The following SAMD12 variants were observed in gnomAD, a reference collection of about 807,000 sequenced individuals.
SAMD12 encodes sterile alpha motif domain containing 12, also known as sterile alpha motif domain-containing protein 12.
SAMD12 carries 9 observed loss-of-function variants against 15.0 expected under a neutral mutation model. That is an observed-to-expected ratio of 0.60 (90% CI 0.36 to 1.05). The LOEUF is 1.05. SAMD12 is among the 50% of genes least tolerant of loss of function. The pLI, the probability that SAMD12 is intolerant of heterozygous loss-of-function variation, is 0.01. For missense variants in SAMD12, 230 were observed against 234.2 expected (o/e 0.98, Z 0.12); for synonymous variants, 86 against 90.1 (o/e 0.96, Z 0.25).
chr8:118,378,716 G>C lies in SAMD12; in HGVS notation c.*701C>G. The C allele has an allele frequency of 1.0e-6, 1 of 984,974 alleles. No homozygotes were observed. Among genetic ancestry groups the C allele is most frequent in the Non-Finnish European group, 1.2e-6 (1 of 829,602 alleles). The allele number at this position is 984,974 out of a possible 1,614,324, so 61.0% of individuals were successfully genotyped here. On this transcript the variant is annotated 3_prime_UTR_variant, in exon 4 of 4. Coordinates refer to ENST00000314727, the MANE Select transcript of SAMD12 (RefSeq NM_207506.3). Reference sequence around the variant, plus strand: ...CTTTCATTTAAAACGATGTACAATGGACGCTAAAATAAAACAAATAAAGTT... The same window carrying C: ...CTTTCATTTAAAACGATGTACAATGCACGCTAAAATAAAACAAATAAAGTT...
intron 4 of SAMD12, among the ~76,000 whole-genome samples, chr8:118,219,251 T>C (rs1011083024): frequency 6.6e-6 from 1 of 152,238 alleles, no homozygotes; most frequent in African/African-American, 2.4e-5. Context: ...TTGCCTTCTG[T>C]TCACATCTAG....
In SAMD12 at chr8:118,323,492, T is replaced by C. The variant is rs548817386; in HGVS notation, c.433+56068A>G. ...TTAAAAAAATCTACACCGAACGTGG[T>C]GGCTGATTCCTGTAATCCCAGCACT... On this transcript the variant is annotated intron_variant, in intron 4 of 4. Transcript: ENST00000409003. Among the ~76,000 whole-genome samples the C allele has an allele frequency of 8.1e-4, 124 of 152,292 alleles. 1 individual carries two copies. Among genetic ancestry groups the C allele is most frequent in the South Asian group, 1.9e-3 (9 of 4,816 alleles).
chr8:118,607,540 G>A (rs1386391096), intron 1 of SAMD12, among the ~76,000 whole-genome samples: 1 of 152,092 alleles, frequency 6.6e-6, no homozygotes, highest in Admixed American at 6.5e-5. Context: ...CCCGCCAAAT[G>A]TCCTAATTAG....
At chr8:118,293,142 C>T (rs1309568760) in intron 4 of SAMD12, among the ~76,000 whole-genome samples, 1 of 151,850 alleles carries the variant, frequency 6.6e-6, no homozygotes, top group Non-Finnish European at 1.5e-5. Flanking sequence ...AGCTCAGAAA[C>T]ATTAAGCAAC....
rs368957115 is a variant in SAMD12 at position 118,365,317 on chromosome 8, A to G, written c.433+14243T>C. Among the ~76,000 whole-genome samples, 6 of 152,132 alleles carry G rather than the reference A, an allele frequency of 3.9e-5. No individual in the cohort carries two copies. The East Asian group carries it at 9.7e-4, about 24-fold the overall frequency. On this transcript the variant is annotated intron_variant, in intron 4 of 4. Transcript: ENST00000409003. Reference sequence around the variant, plus strand: ...ATGCCCAGATAGTTGGTGGAACATTATTTCTAGGTGTACCTGTGTGGGTAT... The same window carrying G: ...ATGCCCAGATAGTTGGTGGAACATTGTTTCTAGGTGTACCTGTGTGGGTAT...
intron 2 of SAMD12, among the ~76,000 whole-genome samples, chr8:118,496,927 CTT>C (rs1824632619): frequency 6.6e-6 from 1 of 151,660 alleles, no homozygotes; most frequent in African/African-American, 2.4e-5. Context: ...TGAACACACA[CTT>C]CTCAAAAGAA....
intron 4 of SAMD12, among the ~76,000 whole-genome samples, chr8:118,220,826 A>G (rs1367154571): frequency 6.6e-6 from 1 of 152,224 alleles, no homozygotes; most frequent in Non-Finnish European, 1.5e-5. Flanking sequence ...CACATTTTCC[A>G]TATTTTGATA....
intron 4 of SAMD12, among the ~76,000 whole-genome samples, chr8:118,356,599 G>A (rs1327598028): frequency 3.3e-5 from 5 of 152,116 alleles, no homozygotes; most frequent in African/African-American, 1.2e-4. Context: ...TCTAGTGATC[G>A]AGTGACCGCA....
At chr8:118,619,400 A>C (rs1403297096) in intron 1 of SAMD12, among the ~76,000 whole-genome samples, 1 of 149,280 alleles carries the variant, frequency 6.7e-6, no homozygotes, top group Non-Finnish European at 1.5e-5. Context: ...AATGGCGTGA[A>C]CCTGGGAGGC....
rs1643821572 is a variant in SAMD12, at chr8:118,511,885, T to A, written c.192+68830A>T. On this transcript the variant is annotated intron_variant, in intron 2 of 3. Coordinates refer to ENST00000314727, the MANE Select transcript of SAMD12 (RefSeq NM_207506.3). ...TGCACTGAACAAAGAGCCAGCCTTT[T>A]GCAAACACTTGTTGCTACTTTTAGG... 2.0e-5 allele frequency among the ~76,000 whole-genome samples: 3 copies of A among 152,198 alleles called. No individual in the cohort carries two copies. In the South Asian group the frequency reaches 6.2e-4, roughly 32 times the overall value.
chr8:118,142,848 G>C, the SAMD12 span, among the ~76,000 whole-genome samples: 2 of 152,200 alleles, frequency 1.3e-5, no homozygotes, highest in African/African-American at 4.8e-5. Context: ...GCTAATGGCG[G>C]TGAGGAAGAA....
At chr8:118,501,456 A>C (rs1824779655) in intron 2 of SAMD12, among the ~76,000 whole-genome samples, 1 of 152,228 alleles carries the variant, frequency 6.6e-6, no homozygotes, top group Non-Finnish European at 1.5e-5. Context: ...TGTCAACTAA[A>C]AAATAAATAA....
At chr8:118,285,132 C>A (rs1212874367) in intron 4 of SAMD12, among the ~76,000 whole-genome samples, 1 of 151,596 alleles carries the variant, frequency 6.6e-6, no homozygotes, top group African/African-American at 2.4e-5. Flanking sequence ...CTCTTGGCCA[C>A]GTTTTCTTTC....
At chr8:118,510,331 G>A (rs145706600) in intron 2 of SAMD12, among the ~76,000 whole-genome samples, 6 of 152,126 alleles carry the variant, frequency 3.9e-5, no homozygotes, top group South Asian at 4.1e-4. Flanking sequence ...TCACTGACAA[G>A]CATCTCAAGT....
At chr8:118,501,130 G>A (rs1451368508) in intron 2 of SAMD12, among the ~76,000 whole-genome samples, 4 of 152,138 alleles carry the variant, frequency 2.6e-5, no homozygotes, top group Non-Finnish European at 5.9e-5. Flanking sequence ...AGCCAATCTA[G>A]CATGAGCTGT....
At chr8:118,315,800 C>T (rs1321327706) in intron 4 of SAMD12, among the ~76,000 whole-genome samples, 1 of 152,022 alleles carries the variant, frequency 6.6e-6, no homozygotes, top group African/African-American at 2.4e-5. Flanking sequence ...AAGAAGCGTC[C>T]ACCACTGTGG....
In SAMD12 at chr8:118,272,293, C is replaced by G. The variant is rs551190849; in HGVS notation, c.434-74561G>C. On this transcript the variant is annotated intron_variant, in intron 4 of 4. Coordinates refer to the SAMD12 transcript ENST00000409003. ...TGAGCTGTACCTTGACCCCTTTTAG[C>G]CATAGCTGGAGTAGCTGGAAAACAA... Among the ~76,000 whole-genome samples the G allele has an allele frequency of 3.4e-3, 519 of 152,352 alleles. 1 individual carries two copies. The highest frequency in any genetic ancestry group is 5.9e-3 in the Non-Finnish European group (399 of 68,036).
At chr8:118,303,191 C>A (rs1174862673) in intron 4 of SAMD12, among the ~76,000 whole-genome samples, 1 of 152,224 alleles carries the variant, frequency 6.6e-6, no homozygotes, top group Non-Finnish European at 1.5e-5. Context: ...TGGACTTGAT[C>A]TGGAGCATGC....
intron 3 of SAMD12, among the ~76,000 whole-genome samples, chr8:118,433,965 C>T (rs1226394504): frequency 2.6e-5 from 4 of 152,132 alleles, no homozygotes; most frequent in African/African-American, 9.7e-5. Context: ...TAGCTACACA[C>T]CCCATTGGTT....
Sources: allele counts gnomAD v4.1 joint callset (sites outside exome capture counted in the v4.1 genomes callset), GRCh38; gene constraint gnomAD v4.1.1; transcripts MANE v1.5; gene names NCBI Gene and HGNC (gene_info 2026-07-23, HGNC 2026-07-21).